The following RIOK2 variants were observed in gnomAD, a reference collection of about 807,000 sequenced individuals.
RIOK2 encodes the protein RIO kinase 2.
RIOK2 carries 46 observed loss-of-function variants against 62.4 expected under a neutral mutation model. The observed-to-expected ratio is 0.74, with a 90% confidence interval of 0.58 to 0.94. The LOEUF is 0.94. RIOK2 is among the 40% of genes least tolerant of loss of function. The pLI, the probability that RIOK2 is intolerant of heterozygous loss-of-function variation, is 0.00. For missense variants in RIOK2, 574 were observed against 658.0 expected (o/e 0.87, Z 1.40); for synonymous variants, 197 against 216.0 (o/e 0.91, Z 0.77).
intron 6 of RIOK2, among the ~76,000 whole-genome samples, chr5:97,169,433 C>T (rs1423745335): frequency 6.6e-6 from 1 of 152,136 alleles, no homozygotes; most frequent in Non-Finnish European, 1.5e-5. Flanking sequence ...TTAATCTGGA[C>T]CAAAAGTAGA....
At chr5:97,169,803 A>G (rs955156100) in intron 6 of RIOK2, among the ~76,000 whole-genome samples, 27 of 152,304 alleles carry the variant, frequency 1.8e-4, no homozygotes, top group African/African-American at 6.5e-4. Context: ...TTAAATCACA[A>G]TGTCTCTCCA....
intron 2 of RIOK2, chr5:97,178,850 TTAC>T (rs1229655461): frequency 1.6e-6 from 1 of 626,028 alleles, no homozygotes; most frequent in Non-Finnish European, 2.8e-6. Flanking sequence ...CTACATGTTC[TTAC>T]TACTATTCTT....
chr5:97,175,092 G>A (rs531708281), intron 4 of RIOK2, among the ~76,000 whole-genome samples: 92 of 142,194 alleles, frequency 6.5e-4, no homozygotes, highest in Middle Eastern at 3.7e-3. Flanking sequence ...ATAAATAAAA[G>A]GTTCTGTTTC....
chr5:97,171,275 T>G lies in RIOK2; in HGVS notation c.710A>C (p.Asp237Ala), dbSNP rs1323049579. 3.1e-5 allele frequency: 50 copies of G among 1,608,036 alleles called. No individual in the cohort carries two copies. The highest frequency in any genetic ancestry group is 4.2e-5 in the Non-Finnish European group (49 of 1,177,228). ...AATCATGGTGATATGGTCACTTTCA[T>G]CCAAAATGAGATTAAATTCATTAAA... Reference protein sequence around the residue: ...GDFNEFNLILDESDHITMIDF... With the variant: ...GDFNEFNLILAESDHITMIDF... Residue 237 changes from aspartate to alanine, a missense_variant, in exon 6 of 10, where the codon GAT becomes GCT. By Grantham distance (126) the Asp-to-Ala change is moderately radical. Transcript: ENST00000283109.
chr5:97,174,567 G>T (rs1430988100), intron 4 of RIOK2, among the ~76,000 whole-genome samples: 1 of 151,932 alleles, frequency 6.6e-6, no homozygotes, highest in Non-Finnish European at 1.5e-5. Context: ...ACGCAGTCAG[G>T]ACAGTCACCT....
chr5:97,162,717 T>C lies in RIOK2; in HGVS notation c.*344A>G, dbSNP rs7701471. 4.2e-3 allele frequency: 747 copies of C among 176,358 alleles called. 8 individuals are homozygous for C. Among genetic ancestry groups the C allele is most frequent in the African/African-American group, 0.017 (713 of 42,190 alleles). The allele number at this position is 176,358 out of a possible 1,614,324, so 10.9% of individuals were successfully genotyped here. On this transcript the variant is annotated 3_prime_UTR_variant, in exon 10 of 10. Coordinates refer to ENST00000283109, the MANE Select transcript of RIOK2 (RefSeq NM_018343.3). Reference sequence around the variant, plus strand: ...TAATAGCCATGTTTTATTGAATGCTTAAGAATGTGCTAAACATTGTTCTAA... The same window carrying C: ...TAATAGCCATGTTTTATTGAATGCTCAAGAATGTGCTAAACATTGTTCTAA...
At chr5:97,180,005 T>TATATATATATA (rs1460373515) in intron 1 of RIOK2, among the ~76,000 whole-genome samples, 754 of 27,432 alleles carry the variant, frequency 0.027, 61 homozygotes, top group African/African-American at 0.094. Flanking sequence ...ATATATATAT[T>TATATATATATA]ATATATATAT....
intron 7 of RIOK2, 109 bp from the exon 8 acceptor site, chr5:97,168,100 T>C: frequency 8.9e-7 from 1 of 1,121,246 alleles, no homozygotes; most frequent in Non-Finnish European, 1.2e-6. Flanking sequence ...TAATAGCTTA[T>C]ATGTTAAAAA....
chr5:97,164,864 C>T (rs1748803145), intron 9 of RIOK2, 187 bp downstream of exon 9: 2 of 381,538 alleles, frequency 5.2e-6, no homozygotes, highest in Non-Finnish European at 9.3e-6. Context: ...CAGGACACAA[C>T]TCTACCACAT....
At chr5:97,176,943 A>T in intron 4 of RIOK2, 173 bp downstream of exon 4, 1 of 587,230 alleles carries the variant, frequency 1.7e-6, no homozygotes, top group Admixed American at 3.4e-5. Flanking sequence ...GAAGGAAATC[A>T]CTTAAAAGAG....
chr5:97,180,016 A>T lies in RIOK2; in HGVS notation c.67-823T>A, dbSNP rs193146478. Reference sequence around the variant, plus strand: ...AAATATATATATATTATATATATATAATATATATATAATATATATATTATA... The same window carrying T: ...AAATATATATATATTATATATATATTATATATATATAATATATATATTATA... On this transcript the variant is annotated intron_variant, in intron 1 of 9. Coordinates refer to ENST00000283109, the MANE Select transcript of RIOK2 (RefSeq NM_018343.3). 6.3e-3 allele frequency among the ~76,000 whole-genome samples: 276 copies of T among 44,086 alleles called. 22 individuals are homozygous for T. The highest frequency in any genetic ancestry group is 0.021 in the African/African-American group (266 of 12,430). 28.9% of individuals were successfully genotyped at this position (44,086 alleles called of 152,430 possible).
At chr5:97,174,512 T>C (rs1407180047) in intron 4 of RIOK2, among the ~76,000 whole-genome samples, 1 of 152,172 alleles carries the variant, frequency 6.6e-6, no homozygotes, top group African/African-American at 2.4e-5. Flanking sequence ...AATCCACCTG[T>C]ACAGTCCTAG....
chr5:97,177,920 A>G lies in RIOK2; in HGVS notation c.206-72T>C, dbSNP rs975250504. 8 of 894,468 alleles carry G rather than the reference A, an allele frequency of 8.9e-6. No individual in the cohort carries two copies. In the South Asian group the frequency reaches 1.3e-4, roughly 14 times the overall value. 55.4% of individuals were successfully genotyped at this position (894,468 alleles called of 1,614,324 possible). On this transcript the variant is annotated intron_variant, in intron 2 of 9. Transcript: ENST00000283109. ...CAACCAAGTCACGTAAGTTCAAGTCATAAGAAAGATTTAACAATAAAGTCT... is the reference window on the plus strand; with the variant it reads ...CAACCAAGTCACGTAAGTTCAAGTCGTAAGAAAGATTTAACAATAAAGTCT...
rs372590911 is a variant in RIOK2, at chr5:97,172,151, C to T, written c.588-754G>A. Reference sequence around the variant, plus strand: ...TCAATCCTATGACCTTTTATTTTCTCTTATTTAGACTCATTCTTGGTGATC... The same window carrying T: ...TCAATCCTATGACCTTTTATTTTCTTTTATTTAGACTCATTCTTGGTGATC... On this transcript the variant is annotated intron_variant, in intron 5 of 9. Coordinates refer to ENST00000283109, the MANE Select transcript of RIOK2 (RefSeq NM_018343.3). Among the ~76,000 whole-genome samples, 18 of 152,226 alleles carry T rather than the reference C, an allele frequency of 1.2e-4. No homozygotes were observed. In the East Asian group the frequency reaches 2.5e-3, roughly 21 times the overall value.
At chr5:97,167,396 T>A in intron 8 of RIOK2, 71 bp downstream of exon 8, 1 of 1,540,532 alleles carries the variant, frequency 6.5e-7, no homozygotes, top group Non-Finnish European at 8.7e-7. Flanking sequence ...AAAAAAACAT[T>A]CTTTTACTAG....
At chr5:97,168,699 AG>A in intron 7 of RIOK2, 60 bp downstream of exon 7, 1 of 1,026,988 alleles carries the variant, frequency 9.7e-7, no homozygotes. Flanking sequence ...GTTAATTTTT[AG>A]AAATACACAG....
intron 8 of RIOK2, chr5:97,166,397 C>A: frequency 2.4e-6 from 1 of 422,972 alleles, no homozygotes; most frequent in Non-Finnish European, 4.7e-6. Context: ...ACAAAATTCT[C>A]ATGTTTTGCT....
intron 2 of RIOK2, chr5:97,178,780 A>ACGC: frequency 2.9e-6 from 1 of 349,562 alleles, no homozygotes; most frequent in African/African-American, 2.4e-5. Context: ...AGTACTCTAC[A>ACGC]TGCTCTTCTG....
chr5:97,181,133 G>T (rs981690582), intron 1 of RIOK2, among the ~76,000 whole-genome samples: 1 of 151,802 alleles, frequency 6.6e-6, no homozygotes, highest in African/African-American at 2.4e-5. Context: ...TTAGCTGGGC[G>T]TGGTGGTGTG....
Sources: gnomAD v4.1 joint callset for allele counts (sites outside exome capture counted in the v4.1 genomes callset) on GRCh38, gnomAD v4.1.1 for gene constraint, MANE v1.5 for transcripts, NCBI Gene and HGNC (gene_info 2026-07-23, HGNC 2026-07-21) for gene names.